AADAC: variants seen among roughly 807,000 people sequenced by gnomAD.
AADAC encodes the protein arylacetamide deacetylase, also known as arylacetamide deacetylase (esterase).
In AADAC, 17 loss-of-function variants were observed where a neutral mutation model predicts 22.7. That is an observed-to-expected ratio of 0.75 (90% CI 0.51 to 1.12). The LOEUF is 1.12. AADAC is among the 50% of genes most tolerant of loss of function. The probability of loss-of-function intolerance (pLI) is 0.00; values close to 1 mark genes in which losing one functional copy is unlikely to be tolerated. For synonymous variants in AADAC, 167 were observed against 176.3 expected (o/e 0.95, Z 0.42); for missense variants, 465 against 473.9 (o/e 0.98, Z 0.17).
chr3:151,820,513 TTTC>T, intron 3 of AADAC, 61 bp downstream of exon 3: 23 of 970,664 alleles, frequency 2.4e-5, no homozygotes, highest in Admixed American at 1.2e-4. Flanking sequence ...TTTTCTCAGC[TTTC>T]TTTTTTTTTT....
At chr3:151,817,792 G>A (rs866938452) in intron 2 of AADAC, among the ~76,000 whole-genome samples, 1 of 151,944 alleles carries the variant, frequency 6.6e-6, no homozygotes, top group African/African-American at 2.4e-5. Flanking sequence ...CCCAGGTAGA[G>A]GTGAGAAGAA....
In AADAC at chr3:151,820,707, G is replaced by A. The variant is rs1716218976; in HGVS notation, c.431+255G>A. 4.6e-5 allele frequency among the ~76,000 whole-genome samples: 2 copies of A among 43,356 alleles called. 1 individual carries two copies. The highest frequency in any genetic ancestry group is 4.3e-4 in the Admixed American group (2 of 4,654). The allele number at this position is 43,356 out of a possible 152,430, so 28.4% of individuals were successfully genotyped here. ...TAATTTTTTTATTTTCGGTAGAGAT[G>A]GGGTTTCACCATGTTGGTCAGGCGT... is the stretch of plus-strand genomic sequence containing the variant. On this transcript the variant is annotated intron_variant, in intron 3 of 4. Transcript: ENST00000232892.
In AADAC at chr3:151,825,126, C is replaced by T. The variant is rs566513130; in HGVS notation, c.603+292C>T. Reference sequence around the variant, plus strand: ...GTAGCTCAGCACTGCAATCCCAGCGCTCTGGGAGGCCAAGGCAAAGGGATC... The same window carrying T: ...GTAGCTCAGCACTGCAATCCCAGCGTTCTGGGAGGCCAAGGCAAAGGGATC... On this transcript the variant is annotated intron_variant, in intron 4 of 4. Transcript: ENST00000232892. Among the ~76,000 whole-genome samples the T allele has an allele frequency of 4.6e-5, 7 of 150,874 alleles. No individual in the cohort carries two copies. In the South Asian group the frequency reaches 1.5e-3, roughly 32 times the overall value.
intron 2 of AADAC, among the ~76,000 whole-genome samples, chr3:151,820,011 A>G (rs539358036): frequency 6.6e-6 from 1 of 152,212 alleles, no homozygotes; most frequent in South Asian, 2.1e-4. Flanking sequence ...CGTATTGATC[A>G]AGTTAGCGAC....
At position 151,817,549 on chromosome 3, in the gene AADAC, T is replaced by C. The variant is rs752023883; in HGVS notation, c.322T>C (p.Phe108Leu). Residue 108 changes from phenylalanine to leucine, a missense_variant, in exon 2 of 5, where the codon TTT (phenylalanine) becomes CTT (leucine). By Grantham distance (22) the Phe-to-Leu change is conservative (BLOSUM62 0). Transcript: ENST00000232892. ...GTCTGAAGCACTAAGAAGGGGGTTG[T>C]TTTACATCCATGGTGGAGGCTGGTG... ...RKSEALRRGL[F>L]YIHGGGWCVG... 1.9e-6 allele frequency: 3 copies of C among 1,613,604 alleles called. No homozygotes were observed. In the Admixed American group the frequency reaches 5.0e-5, roughly 27 times the overall value.
rs139951223 is a variant in AADAC at position 151,817,281 on chromosome 3, A to T, written c.139-85A>T. Reference sequence around the variant, plus strand: ...TTAGTTCATTCCATTTGAGTTTATTAAGGGTTAATGTCTACCTATAAGTCC... The same window carrying T: ...TTAGTTCATTCCATTTGAGTTTATTTAGGGTTAATGTCTACCTATAAGTCC... On this transcript the variant is annotated intron_variant, in intron 1 of 4. Transcript: ENST00000232892. 824 of 1,151,988 alleles carry T rather than the reference A, an allele frequency of 7.2e-4. 9 individuals carry two copies. The African/African-American group carries it at 0.011, about 16-fold the overall frequency. The allele number at this position is 1,151,988 out of a possible 1,614,324, so 71.4% of individuals were successfully genotyped here. A position where few individuals can be genotyped will look rare whatever the true frequency, so the allele number is the denominator to read the frequency against.
intron 2 of AADAC, 60 bp downstream of exon 2, chr3:151,817,648 T>A (rs1716050619): frequency 8.3e-6 from 12 of 1,454,218 alleles, no homozygotes; most frequent in South Asian, 4.6e-5. Context: ...TTTTACTAAG[T>A]CTTCAGTAGG....
At chr3:151,820,516 C>CTTTTTTTTTTT (rs34039248) in intron 3 of AADAC, 64 bp downstream of exon 3, 11 of 413,010 alleles carry the variant, frequency 2.7e-5, no homozygotes, top group Admixed American at 6.9e-5. Context: ...TCTCAGCTTT[C>CTTTTTTTTTTT]TTTTTTTTTT....
rs576320915 is a variant in AADAC, at chr3:151,828,079, G to A, written c.1107G>A (p.Glu369=). ...TGVQVTHNHV[E]DGFHGAFSFL... ...TTCAGGTGACTCATAACCATGTTGA[G>A]GATGGATTCCATGGAGCATTTTCAT... The change falls in exon 5 of 5, where the codon GAG becomes GAA. Residue 369 remains glutamate, a synonymous_variant. Coordinates refer to ENST00000232892, the MANE Select transcript of AADAC (RefSeq NM_001086.3). The A allele has an allele frequency of 3.7e-6, 6 of 1,612,616 alleles. No homozygotes were observed. The African/African-American group carries it at 8.0e-5, about 22-fold the overall frequency.
At chr3:151,815,903 C>T (rs991092602) in intron 1 of AADAC, among the ~76,000 whole-genome samples, 1 of 151,844 alleles carries the variant, frequency 6.6e-6, no homozygotes, top group Non-Finnish European at 1.5e-5. Flanking sequence ...TGTTCATACC[C>T]TTTATTAAAG....
chr3:151,820,990 A>G lies in AADAC; in HGVS notation c.431+538A>G, dbSNP rs1399461078. On this transcript the variant is annotated intron_variant, in intron 3 of 4. Transcript: ENST00000232892. ...ATTTTGGCAAAAAGAAACAGCAAAA[A>G]GTAAAAATTTTTTTCACATAAATTC... Among the ~76,000 whole-genome samples the G allele has an allele frequency of 7.3e-5, 11 of 151,642 alleles. No homozygotes were observed. The East Asian group carries it at 2.1e-3, about 29-fold the overall frequency.
At chr3:151,815,357 T>C (rs1415772894) in intron 1 of AADAC, among the ~76,000 whole-genome samples, 3 of 152,004 alleles carry the variant, frequency 2.0e-5, no homozygotes, top group African/African-American at 7.2e-5. Flanking sequence ...AGCTACAGAA[T>C]ATTGACAAGT....
At chr3:151,817,007 A>G in intron 1 of AADAC, among the ~76,000 whole-genome samples, 1 of 152,072 alleles carries the variant, frequency 6.6e-6, no homozygotes, top group Non-Finnish European at 1.5e-5. Context: ...GAAGGCTCTC[A>G]GAAGCCATCA....
intron 4 of AADAC, among the ~76,000 whole-genome samples, chr3:151,825,965 C>G (rs1326679704): frequency 1.3e-5 from 2 of 151,432 alleles, no homozygotes; most frequent in Admixed American, 6.6e-5. Flanking sequence ...TCCCAGCACT[C>G]TGGGATTATG....
chr3:151,820,115 T>C (rs1490624559), intron 2 of AADAC, among the ~76,000 whole-genome samples: 1 of 150,666 alleles, frequency 6.6e-6, no homozygotes, highest in African/African-American at 2.4e-5. Flanking sequence ...AGAGAATGAG[T>C]CTGACACAGA....
intron 2 of AADAC, 77 bp downstream of exon 2, chr3:151,817,665 T>C: frequency 7.7e-7 from 1 of 1,302,942 alleles, no homozygotes; most frequent in East Asian, 2.3e-5. Context: ...TAGGTACACA[T>C]GCCCTTCGGC....
chr3:151,827,500 A>G, intron 4 of AADAC, 76 bp from the exon 5 acceptor site: 1 of 904,174 alleles, frequency 1.1e-6, no homozygotes, highest in Non-Finnish European at 1.7e-6. Context: ...AGATAGATAG[A>G]CAGATAGATA....
chr3:151,816,344 A>C (rs935053723), intron 1 of AADAC, among the ~76,000 whole-genome samples: 3 of 152,072 alleles, frequency 2.0e-5, no homozygotes, highest in African/African-American at 7.2e-5. Flanking sequence ...ACTTAGGAAA[A>C]GGTATTTATT....
At chr3:151,815,262 G>C (rs1023546114) in intron 1 of AADAC, among the ~76,000 whole-genome samples, 15 of 151,990 alleles carry the variant, frequency 9.9e-5, no homozygotes, top group Admixed American at 6.6e-4. Flanking sequence ...GCTACTTAGG[G>C]ACCAGAAGAA....
Sources: allele counts gnomAD v4.1 joint callset (sites outside exome capture counted in the v4.1 genomes callset), GRCh38; gene constraint gnomAD v4.1.1; transcripts MANE v1.5; gene names NCBI Gene and HGNC (gene_info 2026-07-23, HGNC 2026-07-21).